Variants in CYP39A1 observed in about 807,000 individuals in gnomAD.
The protein encoded by CYP39A1 is 24-hydroxycholesterol 7-alpha-hydroxylase.
A neutral mutation model predicts 58.1 loss-of-function variants in CYP39A1; 49 were observed. The ratio of observed to expected loss-of-function variants is 0.84; its 90% CI spans 0.67 to 1.07. The LOEUF is 1.07. Ranked by LOEUF, CYP39A1 falls within the 50% of genes least tolerant of loss-of-function variation. The pLI is 0.00. For synonymous variants in CYP39A1, 209 were observed against 187.6 expected, an observed-to-expected ratio of 1.11 and a Z score of -0.93; for missense variants, 531 against 539.4, an observed-to-expected ratio of 0.98 and a Z score of 0.16.
At chr6:46,606,483 G>C (rs1773851450) in intron 7 of CYP39A1, among the ~76,000 whole-genome samples, 1 of 152,116 alleles carries the variant, frequency 6.6e-6, no homozygotes, top group South Asian at 2.1e-4. Context: ...TGTTCTTCCA[G>C]CATTGTGACT....
chr6:46,636,248 A>T (rs993247658), intron 5 of CYP39A1, 141 bp downstream of exon 5: 7 of 579,212 alleles, frequency 1.2e-5, no homozygotes, highest in Non-Finnish European at 2.1e-5. Context: ...ACAGTGAAAT[A>T]ATGTATCTCA....
At chr6:46,592,999 A>T (rs1772933896) in intron 8 of CYP39A1, among the ~76,000 whole-genome samples, 1 of 152,144 alleles carries the variant, frequency 6.6e-6, no homozygotes, top group Non-Finnish European at 1.5e-5. Context: ...AATTCTGAAG[A>T]GTCAAAAACT....
At chr6:46,550,477 A>G (rs200326475) in intron 11 of CYP39A1, 40 bp from the exon 12 acceptor site, 894 of 1,562,222 alleles carry the variant, frequency 5.7e-4, no homozygotes, top group Admixed American at 1.4e-3. Flanking sequence ...ATTAAGAGAC[A>G]TAAGTCCACA....
chr6:46,616,231 C>T (rs1186045872), intron 7 of CYP39A1, among the ~76,000 whole-genome samples: 17 of 47,902 alleles, frequency 3.5e-4, no homozygotes, highest in Non-Finnish European at 2.9e-4. Flanking sequence ...TCCCTCCCTC[C>T]CTCCCTCCCT....
intron 10 of CYP39A1, chr6:46,583,679 G>A: frequency 1.4e-6 from 1 of 738,472 alleles, no homozygotes; most frequent in Non-Finnish European, 1.7e-6. Flanking sequence ...GTGCCTCGCA[G>A]TGGGATCCTG....
At chr6:46,578,301 C>T (rs1329579485) in intron 10 of CYP39A1, among the ~76,000 whole-genome samples, 2 of 151,822 alleles carry the variant, frequency 1.3e-5, no homozygotes, top group African/African-American at 4.8e-5. Context: ...TTTACAGCAC[C>T]AAATGCCTAC....
intron 6 of CYP39A1, among the ~76,000 whole-genome samples, chr6:46,630,629 C>A (rs1396852327): frequency 1.3e-5 from 2 of 152,072 alleles, no homozygotes; most frequent in Admixed American, 1.3e-4. Flanking sequence ...TTTTCAATAC[C>A]AATACTGAGC....
At chr6:46,578,799 G>A (rs1005089739) in intron 10 of CYP39A1, among the ~76,000 whole-genome samples, 5 of 151,854 alleles carry the variant, frequency 3.3e-5, no homozygotes, top group South Asian at 2.1e-4. Flanking sequence ...ATCAAAACTC[G>A]TTATTATATT....
chr6:46,642,194 T>C lies in CYP39A1; in HGVS notation c.282A>G (p.Glu94=), dbSNP rs1346088354. ...VFLKSKKVDF[E]LAVQNIVYRT... ...GATAAACGATATTTTGCACTGCTAGTTCAAAATCTACTTTTTTGGATTTTA... is the reference window on the plus strand; with the variant it reads ...GATAAACGATATTTTGCACTGCTAGCTCAAAATCTACTTTTTTGGATTTTA... Residue 94 remains glutamate (E), a synonymous_variant, in exon 2 of 12, where the codon GAA becomes GAG. Transcript: ENST00000275016. 1.2e-6 allele frequency: 2 copies of C among 1,612,892 alleles called. No homozygotes were observed. The highest frequency in any genetic ancestry group is 2.2e-5 in the East Asian group (1 of 44,714).
chr6:46,648,827 A>G (rs1245037687), intron 1 of CYP39A1, among the ~76,000 whole-genome samples: 1 of 152,186 alleles, frequency 6.6e-6, no homozygotes, highest in East Asian at 1.9e-4. Flanking sequence ...AAAAAAACAA[A>G]TAATGTTTCC....
At chr6:46,618,454 C>T (rs1342060613) in intron 7 of CYP39A1, among the ~76,000 whole-genome samples, 1 of 152,020 alleles carries the variant, frequency 6.6e-6, no homozygotes, top group African/African-American at 2.4e-5. Flanking sequence ...AATTATACCC[C>T]AAAATTTGAT....
intron 10 of CYP39A1, among the ~76,000 whole-genome samples, chr6:46,580,016 T>C (rs1772038688): frequency 6.6e-6 from 1 of 152,000 alleles, no homozygotes; most frequent in African/African-American, 2.4e-5. Flanking sequence ...CTAAAATCCA[T>C]ATGGAACCAA....
At chr6:46,583,142 C>T in intron 10 of CYP39A1, 2 of 985,294 alleles carry the variant, frequency 2.0e-6, no homozygotes, top group Non-Finnish European at 2.4e-6. Context: ...GGAATCCATG[C>T]TTCATTTTAA....
intron 8 of CYP39A1, among the ~76,000 whole-genome samples, chr6:46,590,540 C>T (rs1045626226): frequency 1.1e-4 from 16 of 149,690 alleles, no homozygotes; most frequent in Admixed American, 4.7e-4. Flanking sequence ...GTGTTTGTGC[C>T]GAAAAAAAAT....
At chr6:46,597,258 T>A (rs1773224178) in intron 7 of CYP39A1, among the ~76,000 whole-genome samples, 1 of 152,100 alleles carries the variant, frequency 6.6e-6, no homozygotes, top group Non-Finnish European at 1.5e-5. Flanking sequence ...AGACAGGCTG[T>A]ACCAGTATTA....
chr6:46,586,968 C>T, intron 10 of CYP39A1, 109 bp downstream of exon 10: 1 of 727,822 alleles, frequency 1.4e-6, no homozygotes, highest in East Asian at 2.7e-5. Flanking sequence ...TCTGGATTTC[C>T]CTATAGTTTA....
intron 1 of CYP39A1, among the ~76,000 whole-genome samples, chr6:46,644,518 C>G (rs1776534144): frequency 6.6e-6 from 1 of 152,032 alleles, no homozygotes; most frequent in South Asian, 2.1e-4. Context: ...AAGACTGTCT[C>G]TAAAAATCAA....
intron 9 of CYP39A1, 84 bp from the exon 10 acceptor site, chr6:46,587,249 G>A: frequency 2.3e-6 from 2 of 881,260 alleles, no homozygotes; most frequent in South Asian, 2.9e-5. Context: ...AAATGACCTT[G>A]TACAGCTAAT....
intron 11 of CYP39A1, among the ~76,000 whole-genome samples, chr6:46,551,729 C>T (rs1483685749): frequency 1.3e-5 from 2 of 152,176 alleles, no homozygotes. Flanking sequence ...ATTTCCCCTG[C>T]ACCTGACAAC....
Sources: allele counts gnomAD v4.1 joint callset (sites outside exome capture counted in the v4.1 genomes callset), GRCh38; gene constraint gnomAD v4.1.1; transcripts MANE v1.5; gene names NCBI Gene and HGNC (gene_info 2026-07-23, HGNC 2026-07-21).